Variants in SPOCK1 observed in about 807,000 individuals in gnomAD.
The protein encoded by SPOCK1 is SPARC (osteonectin), cwcv and kazal like domains proteoglycan 1, also known as testican-1.
Under a neutral mutation model 55.3 loss-of-function variants are expected in SPOCK1, and 23 were observed. The observed-to-expected ratio is 0.42, with a 90% CI of 0.30 to 0.59. The LOEUF (loss-of-function observed/expected upper bound fraction) is 0.59, where lower values mean the gene tolerates loss of function less well. Among genes scored for constraint, SPOCK1 ranks in the 20% least tolerant of loss-of-function variants. The pLI is 0.22. For synonymous variants in SPOCK1, 226 were observed against 221.0 expected, an observed-to-expected ratio of 1.02 and a Z score of -0.20; for missense variants, 499 against 552.5, an observed-to-expected ratio of 0.90 and a Z score of 0.97.
chr5:137,398,259 A>C (rs6873075), intron 2 of SPOCK1, among the ~76,000 whole-genome samples: 29,125 of 152,102 alleles, frequency 0.19, 3,435 homozygotes, highest in African/African-American at 0.32. Context: ...ATAATTTGTG[A>C]CTTTGAAATA....
At chr5:137,324,369 C>A (rs141097929) in intron 2 of SPOCK1, among the ~76,000 whole-genome samples, 3 of 152,016 alleles carry the variant, frequency 2.0e-5, no homozygotes, top group Non-Finnish European at 4.4e-5. Flanking sequence ...CGCTTGAACC[C>A]GGGAGGCAGA....
chr5:137,382,454 C>A (rs1028087418), intron 2 of SPOCK1, among the ~76,000 whole-genome samples: 98 of 152,304 alleles, frequency 6.4e-4, no homozygotes, highest in African/African-American at 2.2e-3. Context: ...CATTTTCACA[C>A]TGATATAAAG....
Position 137,107,724 on chromosome 5 carries a change from C to T in SPOCK1, c.474+4711G>A, listed in dbSNP as rs1034694624. On this transcript the variant is annotated intron_variant, in intron 5 of 10. Coordinates refer to ENST00000394945, the MANE Select transcript of SPOCK1 (RefSeq NM_004598.4). ...TCTAGGAACCTCTGACTATTGGGGG[C>T]CCGGAAGCAGAAGGAAAGCTTGTTT... Among the ~76,000 whole-genome samples the T allele has an allele frequency of 2.0e-5, 3 of 152,198 alleles. No homozygotes were observed. The East Asian group carries it at 5.8e-4, about 29-fold the overall frequency.
At chr5:137,019,913 A>G (rs935958713) in intron 6 of SPOCK1, among the ~76,000 whole-genome samples, 17 of 152,042 alleles carry the variant, frequency 1.1e-4, no homozygotes, top group Admixed American at 6.6e-4. Context: ...ATAATGCCAT[A>G]TAAGTTAGAG....
chr5:137,396,813 T>C (rs1751858716), intron 2 of SPOCK1, among the ~76,000 whole-genome samples: 1 of 152,192 alleles, frequency 6.6e-6, no homozygotes, highest in Non-Finnish European at 1.5e-5. Flanking sequence ...GTGCATTGAG[T>C]GACTTATCTG....
chr5:137,172,268 G>A (rs1434651), intron 3 of SPOCK1, among the ~76,000 whole-genome samples: 34,674 of 152,086 alleles, frequency 0.23, 4,438 homozygotes, highest in Non-Finnish European at 0.29. Context: ...ATATGAAAAC[G>A]CCAGTACTTT....
intron 2 of SPOCK1, among the ~76,000 whole-genome samples, chr5:137,383,666 A>G (rs773186541): frequency 6.6e-6 from 1 of 152,204 alleles, no homozygotes; most frequent in Non-Finnish European, 1.5e-5. Context: ...AGATGCAGCC[A>G]CTGATTGAGA....
intron 2 of SPOCK1, among the ~76,000 whole-genome samples, chr5:137,455,520 C>T (rs748151794): frequency 2.0e-5 from 3 of 152,140 alleles, no homozygotes; most frequent in East Asian, 3.9e-4. Flanking sequence ...AAAGACAATT[C>T]TAAAGAGACA....
intron 2 of SPOCK1, among the ~76,000 whole-genome samples, chr5:137,390,150 C>A (rs540227959): frequency 5.3e-5 from 8 of 152,178 alleles, no homozygotes; most frequent in Non-Finnish European, 7.3e-5. Context: ...CCTGGGGGTA[C>A]TTGGGGATTT....
intron 6 of SPOCK1, among the ~76,000 whole-genome samples, chr5:137,059,473 C>T (rs1483070537): frequency 3.3e-5 from 5 of 151,950 alleles, no homozygotes; most frequent in South Asian, 2.1e-4. Flanking sequence ...GACTTAAATG[C>T]GAAACCTAAA....
chr5:137,338,287 C>T (rs1330807155), intron 2 of SPOCK1, among the ~76,000 whole-genome samples: 7 of 150,992 alleles, frequency 4.6e-5, no homozygotes, highest in East Asian at 2.0e-4. Context: ...GTTGTCCTTG[C>T]GATAGTTTGC....
chr5:137,092,521 G>A (rs567248552), intron 5 of SPOCK1, among the ~76,000 whole-genome samples: 65 of 152,302 alleles, frequency 4.3e-4, no homozygotes, highest in African/African-American at 1.4e-3. Flanking sequence ...TGATACCCAG[G>A]TGAGGTCAGA....
At chr5:137,322,168 T>TA (rs2127147327) in intron 2 of SPOCK1, among the ~76,000 whole-genome samples, 1 of 151,420 alleles carries the variant, frequency 6.6e-6, no homozygotes, top group Non-Finnish European at 1.5e-5. Context: ...CCATTCTTAC[T>TA]AAAAAATACA....
chr5:137,010,828 T>C (rs1406934001), intron 6 of SPOCK1, among the ~76,000 whole-genome samples: 3 of 152,196 alleles, frequency 2.0e-5, no homozygotes, highest in African/African-American at 7.2e-5. Flanking sequence ...TTATAGATTG[T>C]TGCTATCCCA....
chr5:137,434,336 T>C (rs116197468), intron 2 of SPOCK1, among the ~76,000 whole-genome samples: 3,531 of 152,202 alleles, frequency 0.023, 46 homozygotes, highest in Admixed American at 0.028. Context: ...CCAATGATCT[T>C]TGATAGATCT....
intron 5 of SPOCK1, among the ~76,000 whole-genome samples, chr5:137,073,950 T>G (rs1181714922): frequency 6.6e-6 from 1 of 152,174 alleles, no homozygotes; most frequent in African/African-American, 2.4e-5. Flanking sequence ...GGGTCCAAGC[T>G]AATACCACTG....
chr5:137,201,981 G>C (rs551793802), intron 3 of SPOCK1, among the ~76,000 whole-genome samples: 171 of 152,350 alleles, frequency 1.1e-3, no homozygotes, highest in African/African-American at 4.1e-3. Context: ...ATGTGGCACT[G>C]GTACCAAGTC....
At chr5:136,995,913 C>T (rs1751032074) in intron 6 of SPOCK1, among the ~76,000 whole-genome samples, 1 of 152,216 alleles carries the variant, frequency 6.6e-6, no homozygotes, top group South Asian at 2.1e-4. Flanking sequence ...AGAGGAGGCT[C>T]TCAGTTACTG....
intron 3 of SPOCK1, among the ~76,000 whole-genome samples, chr5:137,141,246 T>C (rs1754093121): frequency 6.6e-6 from 1 of 152,194 alleles, no homozygotes; most frequent in Non-Finnish European, 1.5e-5. Context: ...AGTTTCAGCA[T>C]CTTCAGCTCA....
Sources: gnomAD v4.1 joint callset for allele counts (sites outside exome capture counted in the v4.1 genomes callset) on GRCh38, gnomAD v4.1.1 for gene constraint, MANE v1.5 for transcripts, NCBI Gene and HGNC (gene_info 2026-07-23, HGNC 2026-07-21) for gene names.